TMEM245: variants seen among roughly 807,000 people sequenced by gnomAD.
TMEM245 encodes transmembrane protein 245.
In TMEM245, 69 loss-of-function variants were observed where a neutral mutation model predicts 101.2. That is an observed-to-expected ratio of 0.68 (90% CI 0.56 to 0.83). The LOEUF (loss-of-function observed/expected upper bound fraction) is 0.83, where lower values mean the gene tolerates loss of function less well. Ranked by LOEUF, TMEM245 falls within the 40% of genes least tolerant of loss-of-function variation. The probability of loss-of-function intolerance (pLI) is 0.00; values close to 1 mark genes in which losing one functional copy is unlikely to be tolerated. For synonymous variants in TMEM245, 537 were observed against 449.8 expected (o/e 1.19, Z -2.45); for missense variants, 1,075 against 1,092.8 (o/e 0.98, Z 0.23).
intron 10 of TMEM245, among the ~76,000 whole-genome samples, chr9:109,063,116 A>C (rs1829063727): frequency 6.6e-6 from 1 of 151,976 alleles, no homozygotes; most frequent in African/African-American, 2.4e-5. Flanking sequence ...AAACAAGCTC[A>C]TCTAATTTTT....
At chr9:109,098,870 G>A (rs1337399815) in intron 3 of TMEM245, among the ~76,000 whole-genome samples, 3 of 152,154 alleles carry the variant, frequency 2.0e-5, no homozygotes, top group Non-Finnish European at 4.4e-5. Flanking sequence ...AGCACCAGGG[G>A]GCAGAAACTC....
chr9:109,109,181 A>C (rs931195913), intron 1 of TMEM245, among the ~76,000 whole-genome samples: 1 of 152,170 alleles, frequency 6.6e-6, no homozygotes, highest in East Asian at 1.9e-4. Flanking sequence ...ATATTATTAG[A>C]GGAACAAACA....
chr9:109,037,298 A>G (rs919831583), intron 15 of TMEM245, among the ~76,000 whole-genome samples: 2 of 152,210 alleles, frequency 1.3e-5, no homozygotes, highest in African/African-American at 4.8e-5. Context: ...CTCCCTGCCA[A>G]TCAGTTCAAT....
chr9:109,101,976 ATTAC>A (rs1830292736), intron 3 of TMEM245, among the ~76,000 whole-genome samples: 1 of 151,956 alleles, frequency 6.6e-6, no homozygotes, highest in South Asian at 2.1e-4. Flanking sequence ...TCTTATAACA[ATTAC>A]TTACTTGGCC....
chr9:109,040,401 G>A (rs1034294690), intron 14 of TMEM245, among the ~76,000 whole-genome samples: 49 of 152,132 alleles, frequency 3.2e-4, no homozygotes, highest in African/African-American at 1.1e-3. Flanking sequence ...ATTCAGTAAT[G>A]TGCACAAATA....
At chr9:109,117,306 C>T (rs969467264) in intron 1 of TMEM245, among the ~76,000 whole-genome samples, 9 of 151,274 alleles carry the variant, frequency 5.9e-5, no homozygotes, top group Non-Finnish European at 8.8e-5. Flanking sequence ...TTGGTAGAGA[C>T]GGGGTTTCAC....
At position 109,035,913 on chromosome 9, in the gene TMEM245, G is replaced by C. The variant is rs72760313; in HGVS notation, c.2399+293C>G. The C allele has an allele frequency of 1.7e-3, 290 of 167,634 alleles. 3 individuals are homozygous for C. Among genetic ancestry groups the C allele is most frequent in the African/African-American group, 7.8e-3 (267 of 34,062 alleles). 10.4% of individuals were successfully genotyped at this position (167,634 alleles called of 1,614,324 possible). A position where few individuals can be genotyped will look rare whatever the true frequency, so the allele number is the denominator to read the frequency against. On this transcript the variant is annotated intron_variant, in intron 16 of 17. Transcript: ENST00000374586. ...AGCCATGACTGCACCCTGCACTCTA[G>C]CAGTCTGAGTGAAAGAGATATTGTC...
chr9:109,055,637 C>CT (rs377221189), intron 12 of TMEM245, among the ~76,000 whole-genome samples: 4,274 of 142,674 alleles, frequency 0.03, 88 homozygotes, highest in Non-Finnish European at 0.045. Flanking sequence ...TTCTTTTTTT[C>CT]TTTTTTTTTT....
intron 14 of TMEM245, among the ~76,000 whole-genome samples, chr9:109,042,839 ATT>A (rs754295748): frequency 8.5e-4 from 98 of 115,520 alleles, no homozygotes; most frequent in African/African-American, 2.9e-3. Flanking sequence ...ATAGCTGACA[ATT>A]TTTTTTTTTT....
At chr9:109,103,501 T>C (rs914062197) in intron 3 of TMEM245, among the ~76,000 whole-genome samples, 3 of 151,998 alleles carry the variant, frequency 2.0e-5, no homozygotes, top group African/African-American at 4.8e-5. Flanking sequence ...AACAGATAAA[T>C]GGAAAAAGAA....
intron 12 of TMEM245, among the ~76,000 whole-genome samples, chr9:109,053,850 T>C (rs950678487): frequency 6.6e-5 from 10 of 152,146 alleles, no homozygotes; most frequent in Non-Finnish European, 1.2e-4. Context: ...TAAGGAAAAA[T>C]GTCTCTCCTG....
intron 3 of TMEM245, among the ~76,000 whole-genome samples, chr9:109,093,990 C>T (rs1193518935): frequency 6.6e-6 from 1 of 152,122 alleles, no homozygotes; most frequent in African/African-American, 2.4e-5. Context: ...CATGTTAGTA[C>T]GAGATAATCC....
chr9:109,043,066 A>T (rs1336944171), intron 14 of TMEM245, among the ~76,000 whole-genome samples: 1 of 152,124 alleles, frequency 6.6e-6, no homozygotes. Flanking sequence ...TACTTTAAAT[A>T]ACCTATAATA....
chr9:109,105,770 G>A (rs1288244554), intron 3 of TMEM245, among the ~76,000 whole-genome samples: 2 of 152,008 alleles, frequency 1.3e-5, no homozygotes, highest in Non-Finnish European at 2.9e-5. Context: ...GTGACATATT[G>A]TATGCCTGTT....
intron 14 of TMEM245, among the ~76,000 whole-genome samples, chr9:109,044,906 C>T (rs1296942059): frequency 6.6e-6 from 1 of 151,946 alleles, no homozygotes; most frequent in East Asian, 1.9e-4. Context: ...ACTACAGGTG[C>T]ATGCCACCAA....
At chr9:109,092,662 A>C (rs752166707) in intron 4 of TMEM245, among the ~76,000 whole-genome samples, 2 of 152,244 alleles carry the variant, frequency 1.3e-5, no homozygotes, top group Non-Finnish European at 2.9e-5. Flanking sequence ...TGACATTTCT[A>C]AAGTCAGTTC....
intron 14 of TMEM245, chr9:109,046,384 T>C (rs536199025): frequency 2.5e-5 from 12 of 473,858 alleles, no homozygotes; most frequent in South Asian, 1.4e-4. Flanking sequence ...GAGAGGAAAA[T>C]GGTCTGGGGA....
chr9:109,087,476 G>A, intron 5 of TMEM245, 134 bp from the exon 6 acceptor site: 1 of 943,532 alleles, frequency 1.1e-6, no homozygotes, highest in Non-Finnish European at 1.5e-6. Flanking sequence ...ATGTTAAAAA[G>A]CAGGGTGGGA....
intron 5 of TMEM245, 141 bp downstream of exon 5, chr9:109,090,781 G>T: frequency 1.9e-5 from 13 of 685,778 alleles, no homozygotes; most frequent in Non-Finnish European, 2.8e-5. Flanking sequence ...AATGGTGTTT[G>T]TTTACTATTT....
Sources: allele counts gnomAD v4.1 joint callset (sites outside exome capture counted in the v4.1 genomes callset), GRCh38; gene constraint gnomAD v4.1.1; transcripts MANE v1.5; gene names NCBI Gene and HGNC (gene_info 2026-07-23, HGNC 2026-07-21).